The following QKI variants were observed in gnomAD, a reference collection of about 807,000 sequenced individuals.
The protein encoded by QKI is QKI, KH domain containing RNA binding, also known as KH domain-containing RNA-binding protein QKI.
Under a neutral mutation model 39.0 loss-of-function variants are expected in QKI, and 10 were observed. The observed-to-expected ratio is 0.26, with a 90% CI of 0.16 to 0.43. The LOEUF (loss-of-function observed/expected upper bound fraction) is 0.43, where lower values mean the gene tolerates loss of function less well. QKI is among the 20% of genes least tolerant of loss of function. The pLI, the probability that QKI is intolerant of heterozygous loss-of-function variation, is 1.00. For synonymous variants in QKI, 204 were observed against 155.4 expected (o/e 1.31, Z -2.33); for missense variants, 218 against 428.0 (o/e 0.51, Z 4.33).
chr6:163,436,816 G>T (rs62428365), intron 1 of QKI, among the ~76,000 whole-genome samples: 2 of 145,984 alleles, frequency 1.4e-5, no homozygotes, highest in Non-Finnish European at 3.0e-5. Flanking sequence ...AAAAAAAAGG[G>T]AAGAAGAAAT....
At chr6:163,564,595 T>C (rs2128251045) in intron 6 of QKI, 1 of 1,608,954 alleles carries the variant, frequency 6.2e-7, no homozygotes, top group Non-Finnish European at 8.5e-7. Flanking sequence ...AATCATAATA[T>C]AAACGCTTGG....
intron 3 of QKI, among the ~76,000 whole-genome samples, chr6:163,502,360 ATATATG>A (rs1778826766): frequency 6.6e-6 from 1 of 152,048 alleles, no homozygotes. Flanking sequence ...AAAAATATAT[ATATATG>A]TATATTCTTA....
intron 3 of QKI, among the ~76,000 whole-genome samples, chr6:163,512,486 T>C (rs1406162835): frequency 1.3e-5 from 2 of 152,042 alleles, no homozygotes; most frequent in African/African-American, 4.8e-5. Flanking sequence ...TCAAGTAACA[T>C]AGCTTGAAAA....
At chr6:163,441,204 G>C (rs191181995) in intron 1 of QKI, among the ~76,000 whole-genome samples, 1 of 152,238 alleles carries the variant, frequency 6.6e-6, no homozygotes, top group East Asian at 1.9e-4. Flanking sequence ...AGATACACTG[G>C]AAGAATTTAG....
intron 3 of QKI, among the ~76,000 whole-genome samples, chr6:163,530,955 T>C (rs1474257149): frequency 2.0e-5 from 3 of 152,210 alleles, no homozygotes; most frequent in African/African-American, 7.2e-5. Flanking sequence ...ATATTGGTAG[T>C]TGGACATCGT....
chr6:163,450,363 AT>A (rs1790466393), intron 1 of QKI, among the ~76,000 whole-genome samples: 1 of 152,146 alleles, frequency 6.6e-6, no homozygotes, highest in South Asian at 2.1e-4. Context: ...CGGCCCAGTA[AT>A]TCAGATATTA....
chr6:163,527,808 A>G (rs1384125167), intron 3 of QKI, among the ~76,000 whole-genome samples: 1 of 152,198 alleles, frequency 6.6e-6, no homozygotes, highest in Non-Finnish European at 1.5e-5. Flanking sequence ...GTTATAAACA[A>G]TGGTGTTAAT....
chr6:163,546,820 C>T (rs879721502), intron 4 of QKI, among the ~76,000 whole-genome samples: 1 of 151,888 alleles, frequency 6.6e-6, no homozygotes, highest in Non-Finnish European at 1.5e-5. Flanking sequence ...ATTAAATTAT[C>T]CTGCTTATTC....
intron 4 of QKI, among the ~76,000 whole-genome samples, chr6:163,535,525 ATT>A (rs34841140): frequency 0.062 from 9,221 of 148,596 alleles, 865 homozygotes; most frequent in African/African-American, 0.2. Flanking sequence ...CCAGAGTATA[ATT>A]TTTTTTTTTT....
At chr6:163,474,865 C>T (rs1002333808) in intron 2 of QKI, among the ~76,000 whole-genome samples, 1 of 149,658 alleles carries the variant, frequency 6.7e-6, no homozygotes, top group African/African-American at 2.5e-5. Context: ...TTCAAGGCTA[C>T]AGTGCTCTAT....
At chr6:163,561,827 A>T (rs1339401749) in intron 4 of QKI, among the ~76,000 whole-genome samples, 155 bp from the exon 5 acceptor site, 2 of 152,184 alleles carry the variant, frequency 1.3e-5, no homozygotes, top group Admixed American at 1.3e-4. Flanking sequence ...AGGCTCCATT[A>T]TGTTAGCACC....
chr6:163,471,253 T>C (rs1792163225), intron 2 of QKI, among the ~76,000 whole-genome samples: 1 of 152,088 alleles, frequency 6.6e-6, no homozygotes, highest in African/African-American at 2.4e-5. Context: ...TAAGGTGCCC[T>C]TCAAAAATAA....
Position 163,532,752 on chromosome 6 carries a change from G to A in QKI, c.403-2230G>A, listed in dbSNP as rs540563452. Among the ~76,000 whole-genome samples, 340 of 152,210 alleles carry A rather than the reference G, an allele frequency of 2.2e-3. 1 individual carries two copies. Among genetic ancestry groups the A allele is most frequent in the African/African-American group, 7.8e-3 (322 of 41,538 alleles). On this transcript the variant is annotated intron_variant, in intron 3 of 7. Coordinates refer to ENST00000361752, the MANE Select transcript of QKI (RefSeq NM_006775.3). ...TGGAATTTTCTCTCAAGTATGCAAC[G>A]ATCAGGGTTCAGCTGAATATTTGAG... is the stretch of plus-strand genomic sequence containing the variant.
intron 1 of QKI, among the ~76,000 whole-genome samples, chr6:163,450,217 C>T (rs1790453622): frequency 6.6e-6 from 1 of 152,106 alleles, no homozygotes; most frequent in African/African-American, 2.4e-5. Flanking sequence ...GCCACCACAC[C>T]TGGCCAATTT....
Position 163,492,632 on chromosome 6 carries a change from G to A in QKI, c.402+13736G>A, listed in dbSNP as rs181490246. 2.9e-3 allele frequency among the ~76,000 whole-genome samples: 434 copies of A among 152,248 alleles called. 1 individual carries two copies. The highest frequency in any genetic ancestry group is 9.7e-3 in the African/African-American group (402 of 41,564). ...AAGGTAGTCTAAATATAGAGGACTA[G>A]TCACTTCAAATAGAAAAAAATTTTC... is the stretch of plus-strand genomic sequence containing the variant. On this transcript the variant is annotated intron_variant, in intron 3 of 7. Transcript: ENST00000361752.
chr6:163,493,700 CA>C (rs1043259389), intron 3 of QKI, among the ~76,000 whole-genome samples: 3 of 151,732 alleles, frequency 2.0e-5, no homozygotes, highest in African/African-American at 7.3e-5. Context: ...AAAAGTACAA[CA>C]AAAAAAGATA....
At chr6:163,491,819 T>C (rs963356339) in intron 3 of QKI, among the ~76,000 whole-genome samples, 1 of 152,208 alleles carries the variant, frequency 6.6e-6, no homozygotes, top group Admixed American at 6.5e-5. Flanking sequence ...GAATAGACTT[T>C]TGTTTTTATT....
chr6:163,540,516 CTTCTT>C (rs763770210), intron 4 of QKI, among the ~76,000 whole-genome samples: 8 of 152,222 alleles, frequency 5.3e-5, no homozygotes, highest in Admixed American at 3.9e-4. Flanking sequence ...ATCTGGTAGA[CTTCTT>C]TGTTTTTTAC....
Position 163,530,545 on chromosome 6 carries a change from A to G in QKI, c.403-4437A>G, listed in dbSNP as rs1472045064. Among the ~76,000 whole-genome samples, 7 of 152,214 alleles carry G rather than the reference A, an allele frequency of 4.6e-5. No homozygotes were observed. In the East Asian group the frequency reaches 1.3e-3, roughly 29 times the overall value. On this transcript the variant is annotated intron_variant, in intron 3 of 7. Transcript: ENST00000361752. The stretch of plus-strand genomic sequence containing the variant: ...GGAGAAATAGTATTTGTATTAAATA[A>G]TTACTAAGCTGCAAACTCACTGAAG...
Sources: allele counts gnomAD v4.1 joint callset (sites outside exome capture counted in the v4.1 genomes callset), GRCh38; gene constraint gnomAD v4.1.1; transcripts MANE v1.5; gene names NCBI Gene and HGNC (gene_info 2026-07-23, HGNC 2026-07-21).